CDH13: variants seen among roughly 807,000 people sequenced by gnomAD.
The protein encoded by CDH13 is cadherin 13.
CDH13 carries 24 observed loss-of-function variants against 63.8 expected under a neutral mutation model. The ratio of observed to expected loss-of-function variants is 0.38; its 90% CI spans 0.27 to 0.53. The LOEUF (loss-of-function observed/expected upper bound fraction) is 0.53. CDH13 is among the 20% of genes least tolerant of loss of function. The pLI is 0.85. For missense variants in CDH13, 1,049 were observed against 903.1 expected (o/e 1.16, Z -2.07); for synonymous variants, 503 against 355.3 (o/e 1.42, Z -4.67).
intron 7 of CDH13, among the ~76,000 whole-genome samples, chr16:83,500,677 A>T (rs1263946458): frequency 6.9e-6 from 1 of 144,798 alleles, no homozygotes; most frequent in Non-Finnish European, 1.5e-5. Context: ...GATTCAAGCA[A>T]TTCTCGCACC....
At chr16:82,773,029 G>C (rs956575408) in intron 1 of CDH13, among the ~76,000 whole-genome samples, 7 of 152,176 alleles carry the variant, frequency 4.6e-5, no homozygotes, top group Non-Finnish European at 1.0e-4. Context: ...CAGTAGCTGG[G>C]CCTCCTGGTG....
intron 7 of CDH13, among the ~76,000 whole-genome samples, chr16:83,553,345 A>C (rs1445996342): frequency 6.6e-6 from 1 of 152,234 alleles, no homozygotes; most frequent in Non-Finnish European, 1.5e-5. Context: ...GGAAATACAA[A>C]AGTTATAAAA....
intron 1 of CDH13, among the ~76,000 whole-genome samples, chr16:82,831,624 C>T (rs919561206): frequency 1.1e-4 from 17 of 151,882 alleles, no homozygotes; most frequent in Admixed American, 1.1e-3. Flanking sequence ...AATCAATATC[C>T]AAAAAATAAC....
At chr16:83,478,855 A>AG (rs1421691655) in intron 6 of CDH13, among the ~76,000 whole-genome samples, 5 of 149,400 alleles carry the variant, frequency 3.3e-5, no homozygotes, top group African/African-American at 1.2e-4. Flanking sequence ...AAAAAAAAAG[A>AG]AAAAAAGAAA....
chr16:83,019,495 C>CT (rs769273795), intron 2 of CDH13, among the ~76,000 whole-genome samples: 4,187 of 132,298 alleles, frequency 0.032, 150 homozygotes, highest in African/African-American at 0.086. Context: ...TTAACATTTT[C>CT]TTTTTTTTTT....
rs117229797 is a variant in CDH13, at chr16:83,796,050, T to C, written c.*1020T>C. ...TTGTTTCATATATACAGGCATAAAA[T>C]AGAGTAAATACAGGTAGTTTTAAAA... On this transcript the variant is annotated 3_prime_UTR_variant, in exon 14 of 14. Transcript: ENST00000567109. The C allele has an allele frequency of 1.3e-5, 2 of 152,722 alleles. No individual in the cohort carries two copies. Among genetic ancestry groups the C allele is most frequent in the East Asian group, 1.9e-4 (1 of 5,186 alleles). The allele number at this position is 152,722 out of a possible 1,614,324, so 9.5% of individuals were successfully genotyped here.
At chr16:82,796,157 G>A (rs1230169412) in intron 1 of CDH13, among the ~76,000 whole-genome samples, 2 of 152,090 alleles carry the variant, frequency 1.3e-5, no homozygotes, top group African/African-American at 2.4e-5. Context: ...GTTCTAGGCA[G>A]CCTCGTGGGT....
chr16:83,643,300 A>G (rs1362916199), intron 8 of CDH13, among the ~76,000 whole-genome samples: 5 of 62,728 alleles, frequency 8.0e-5, no homozygotes, highest in African/African-American at 1.8e-4. Context: ...AAAAAAAAAA[A>G]AGAAAAAAAA....
chr16:83,305,852 G>A lies in CDH13; in HGVS notation c.637-39010G>A, dbSNP rs372418875. 7.1e-4 allele frequency among the ~76,000 whole-genome samples: 108 copies of A among 152,272 alleles called. 1 individual carries two copies. Among genetic ancestry groups the A allele is most frequent in the Middle Eastern group, 3.4e-3 (1 of 294 alleles). On this transcript the variant is annotated intron_variant, in intron 5 of 13. Transcript: ENST00000567109. The stretch of plus-strand genomic sequence containing the variant: ...AGATACTCAATAAATTGTAGCTGTC[G>A]CAATTATTGACCTCCTGGACTCTGT...
intron 6 of CDH13, among the ~76,000 whole-genome samples, chr16:83,443,724 AAAAAAAAAAAAATATATATATAT>A (rs1474263569): frequency 8.8e-5 from 5 of 56,680 alleles, no homozygotes; most frequent in African/African-American, 4.9e-4. Flanking sequence ...AAAAAAAAAA[AAAAAAAAAAAAATATATATATAT>A]ATATATATAT....
chr16:83,373,881 C>G (rs1216181299), intron 6 of CDH13, among the ~76,000 whole-genome samples: 1 of 152,078 alleles, frequency 6.6e-6, no homozygotes, highest in Non-Finnish European at 1.5e-5. Flanking sequence ...GAACAGAGAC[C>G]ACCAGCATGG....
chr16:83,267,694 A>G (rs550436390), intron 5 of CDH13, among the ~76,000 whole-genome samples: 1 of 152,230 alleles, frequency 6.6e-6, no homozygotes, highest in African/African-American at 2.4e-5. Context: ...CAACATTACG[A>G]TGGAGCAAGG....
chr16:83,206,618 T>C (rs1417725051), intron 4 of CDH13, among the ~76,000 whole-genome samples: 1 of 152,262 alleles, frequency 6.6e-6, no homozygotes, highest in Middle Eastern at 3.2e-3. Context: ...TTTGGCTCTG[T>C]GGGATACCAG....
intron 8 of CDH13, among the ~76,000 whole-genome samples, chr16:83,625,038 T>G (rs1426888391): frequency 6.6e-6 from 1 of 152,162 alleles, no homozygotes; most frequent in African/African-American, 2.4e-5. Context: ...GGGGAATATT[T>G]AAGCACAAAA....
At chr16:83,583,616 G>C (rs1389671370) in intron 7 of CDH13, among the ~76,000 whole-genome samples, 2 of 152,132 alleles carry the variant, frequency 1.3e-5, no homozygotes, top group Admixed American at 1.3e-4. Flanking sequence ...AGGATGTGTG[G>C]GCATCAAAGA....
chr16:82,941,747 C>T (rs1041422570), intron 2 of CDH13, among the ~76,000 whole-genome samples: 10 of 152,164 alleles, frequency 6.6e-5, no homozygotes, highest in African/African-American at 2.4e-4. Context: ...CCCATCTCTC[C>T]TTCTCTTAAT....
At chr16:83,092,779 T>A (rs184134958) in intron 3 of CDH13, among the ~76,000 whole-genome samples, 24 of 152,306 alleles carry the variant, frequency 1.6e-4, no homozygotes, top group Non-Finnish European at 2.9e-4. Context: ...TTATCTAGAT[T>A]CACTCACCAA....
At chr16:82,917,891 G>A (rs1339634493) in intron 2 of CDH13, among the ~76,000 whole-genome samples, 1 of 146,344 alleles carries the variant, frequency 6.8e-6, no homozygotes, top group Admixed American at 6.8e-5. Context: ...CTCCAGCCTG[G>A]GCAACAGAGA....
intron 1 of CDH13, among the ~76,000 whole-genome samples, chr16:82,676,882 T>TTTTGTTTTG (rs1913979345): frequency 6.7e-6 from 1 of 150,096 alleles, no homozygotes. Context: ...TTTTGTTTTG[T>TTTTGTTTTG]TTTGTTTTGT....
Sources: allele counts gnomAD v4.1 joint callset (sites outside exome capture counted in the v4.1 genomes callset), GRCh38; gene constraint gnomAD v4.1.1; transcripts MANE v1.5; gene names NCBI Gene and HGNC (gene_info 2026-07-23, HGNC 2026-07-21).